The following ACAP2 variants were observed in gnomAD, a reference collection of about 807,000 sequenced individuals.
ACAP2 encodes arf-GAP with coiled-coil, ANK repeat and PH domain-containing protein 2.
ACAP2 carries 39 observed loss-of-function variants against 115.8 expected under a neutral mutation model. The ratio of observed to expected loss-of-function variants is 0.34; its 90% CI spans 0.26 to 0.44. The LOEUF (loss-of-function observed/expected upper bound fraction) is 0.44. ACAP2 is among the 20% of genes least tolerant of loss of function. The pLI is 1.00. For synonymous variants in ACAP2, 289 were observed against 315.8 expected (o/e 0.92, Z 0.90); for missense variants, 662 against 927.6 (o/e 0.71, Z 3.72).
At chr3:195,377,026 GCT>G (rs570545877) in intron 4 of ACAP2, among the ~76,000 whole-genome samples, 31 of 151,714 alleles carry the variant, frequency 2.0e-4, no homozygotes, top group African/African-American at 7.5e-4. Context: ...TTAACAAATG[GCT>G]CTGAGACCAA....
chr3:195,412,794 G>T, intron 1 of ACAP2: 1 of 396,520 alleles, frequency 2.5e-6, no homozygotes, highest in Non-Finnish European at 5.1e-6. Flanking sequence ...TTAAATAGTA[G>T]AGTATAAGTT....
chr3:195,328,552 G>A (rs892624774), intron 8 of ACAP2, among the ~76,000 whole-genome samples: 7 of 152,124 alleles, frequency 4.6e-5, no homozygotes, highest in African/African-American at 1.7e-4. Context: ...GGGTAATACC[G>A]TACATGGTGC....
intron 12 of ACAP2, 161 bp from the exon 13 acceptor site, chr3:195,306,777 G>T: frequency 2.0e-5 from 8 of 409,712 alleles, no homozygotes; most frequent in Non-Finnish European, 3.4e-5. Flanking sequence ...TTAGGGCAAA[G>T]TATGTTAACG....
At chr3:195,391,456 C>A (rs1734670929) in intron 2 of ACAP2, among the ~76,000 whole-genome samples, 1 of 151,818 alleles carries the variant, frequency 6.6e-6, no homozygotes, top group Admixed American at 6.6e-5. Flanking sequence ...AAACTCCTGA[C>A]CTCAGGTGAT....
At chr3:195,342,405 A>T in intron 6 of ACAP2, 66 bp downstream of exon 6, 1 of 1,417,746 alleles carries the variant, frequency 7.1e-7, no homozygotes, top group Non-Finnish European at 9.5e-7. Context: ...TAGGGCGATC[A>T]CTCAAAAGTA....
intron 22 of ACAP2, among the ~76,000 whole-genome samples, chr3:195,281,987 A>C (rs1482441915): frequency 2.0e-5 from 3 of 152,246 alleles, no homozygotes; most frequent in Non-Finnish European, 4.4e-5. Context: ...TCAACACTAG[A>C]AGTAACTTAA....
chr3:195,434,662 T>A (rs1715396882), intron 1 of ACAP2, among the ~76,000 whole-genome samples: 1 of 152,238 alleles, frequency 6.6e-6, no homozygotes, highest in South Asian at 2.1e-4. Flanking sequence ...GGAGTGTGAA[T>A]GAATGTCAGT....
chr3:195,326,803 C>A, intron 9 of ACAP2, 82 bp downstream of exon 9: 1 of 1,204,332 alleles, frequency 8.3e-7, no homozygotes, highest in Non-Finnish European at 1.2e-6. Context: ...AGATTTGTTC[C>A]AATACAATGA....
intron 1 of ACAP2, among the ~76,000 whole-genome samples, chr3:195,439,565 T>C (rs574885470): frequency 6.6e-6 from 1 of 152,336 alleles, no homozygotes; most frequent in Non-Finnish European, 1.5e-5. Context: ...TATTCTACTT[T>C]TTATTTCAAA....
chr3:195,342,240 G>A (rs1353715761), intron 6 of ACAP2, among the ~76,000 whole-genome samples: 2 of 152,072 alleles, frequency 1.3e-5, no homozygotes, highest in African/African-American at 4.8e-5. Context: ...ATTTTAAAAT[G>A]GGAAATATAA....
intron 13 of ACAP2, among the ~76,000 whole-genome samples, chr3:195,304,518 C>T (rs958890503): frequency 6.6e-6 from 1 of 152,178 alleles, no homozygotes; most frequent in Non-Finnish European, 1.5e-5. Flanking sequence ...TCGCTGCCCC[C>T]CATCTCCATG....
intron 4 of ACAP2, among the ~76,000 whole-genome samples, chr3:195,375,642 T>C (rs927327864): frequency 3.3e-5 from 5 of 151,746 alleles, no homozygotes; most frequent in African/African-American, 1.2e-4. Flanking sequence ...CAAGACCCCA[T>C]CTCAACAAAA....
chr3:195,286,042 A>C (rs2108900468), intron 21 of ACAP2, among the ~76,000 whole-genome samples, 185 bp from the exon 22 acceptor site: 1 of 152,316 alleles, frequency 6.6e-6, no homozygotes, highest in Non-Finnish European at 1.5e-5. Context: ...CCTTCATACA[A>C]TTCTCATAAG....
intron 2 of ACAP2, among the ~76,000 whole-genome samples, chr3:195,383,644 A>C (rs1207085241): frequency 6.6e-6 from 1 of 152,032 alleles, no homozygotes; most frequent in Non-Finnish European, 1.5e-5. Flanking sequence ...GCAAAAAAAA[A>C]CTGATCAATC....
At chr3:195,388,008 G>C (rs1734414709) in intron 2 of ACAP2, among the ~76,000 whole-genome samples, 1 of 152,192 alleles carries the variant, frequency 6.6e-6, no homozygotes, top group Non-Finnish European at 1.5e-5. Context: ...AAATGATAGA[G>C]CCAGACTCAA....
intron 9 of ACAP2, among the ~76,000 whole-genome samples, chr3:195,322,747 C>G (rs1729532099): frequency 1.3e-5 from 2 of 152,166 alleles, no homozygotes; most frequent in South Asian, 4.1e-4. Flanking sequence ...TTTGTAACAT[C>G]TGCAGTTTTT....
intron 7 of ACAP2, among the ~76,000 whole-genome samples, chr3:195,333,358 T>C (rs2108629763): frequency 6.6e-6 from 1 of 152,272 alleles, no homozygotes; most frequent in East Asian, 1.9e-4. Context: ...TGTGCCACTA[T>C]GCTCAGCTAA....
At chr3:195,359,476 T>G (rs80179740) in intron 4 of ACAP2, among the ~76,000 whole-genome samples, 3,870 of 152,292 alleles carry the variant, frequency 0.025, 85 homozygotes, top group Non-Finnish European at 0.041. Flanking sequence ...TTTGTTTGTT[T>G]GTTTGTTTTG....
intron 1 of ACAP2, among the ~76,000 whole-genome samples, chr3:195,434,237 T>C (rs1257095658): frequency 6.6e-6 from 1 of 151,276 alleles, no homozygotes; most frequent in African/African-American, 2.4e-5. Flanking sequence ...CCTGGTTTTG[T>C]TTTTTTGTTT....
Sources: allele counts gnomAD v4.1 joint callset (sites outside exome capture counted in the v4.1 genomes callset), GRCh38; gene constraint gnomAD v4.1.1; transcripts MANE v1.5; gene names NCBI Gene and HGNC (gene_info 2026-07-23, HGNC 2026-07-21).